Variants in PTPRM observed in about 807,000 individuals in gnomAD.
The protein encoded by PTPRM is protein tyrosine phosphatase receptor type M.
Under a neutral mutation model 186.7 loss-of-function variants are expected in PTPRM, and 47 were observed. The ratio of observed to expected loss-of-function variants is 0.25; its 90% confidence interval spans 0.20 to 0.32. The LOEUF (loss-of-function observed/expected upper bound fraction) is 0.32, where lower values mean the gene tolerates loss of function less well. PTPRM is among the 10% of genes least tolerant of loss of function. PTPRM has a pLI of 1.00. For missense variants in PTPRM, 1,494 were observed against 1,865.0 expected (o/e 0.80, Z 3.66); for synonymous variants, 668 against 674.9 (o/e 0.99, Z 0.16).
chr18:7,832,031 T>G (rs1046683100), intron 2 of PTPRM, among the ~76,000 whole-genome samples: 40 of 152,222 alleles, frequency 2.6e-4, no homozygotes, highest in African/African-American at 8.9e-4. Flanking sequence ...CTTCTGTTGA[T>G]GGACACTTAT....
chr18:7,653,317 T>C (rs1220599279), intron 1 of PTPRM, among the ~76,000 whole-genome samples: 1 of 152,158 alleles, frequency 6.6e-6, no homozygotes, highest in African/African-American at 2.4e-5. Context: ...TGGCTAATTT[T>C]GTTTTAAAAT....
At chr18:8,129,588 C>T (rs1024923604) in intron 13 of PTPRM, among the ~76,000 whole-genome samples, 13 of 152,282 alleles carry the variant, frequency 8.5e-5, no homozygotes, top group Non-Finnish European at 1.5e-4. Flanking sequence ...GTGTGATTAA[C>T]GTTGTGGTTG....
intron 3 of PTPRM, among the ~76,000 whole-genome samples, chr18:7,891,396 C>A (rs1046738115): frequency 6.6e-6 from 1 of 151,324 alleles, no homozygotes; most frequent in Non-Finnish European, 1.5e-5. Flanking sequence ...TTTTCCCCAA[C>A]GTACATGTAC....
intron 1 of PTPRM, among the ~76,000 whole-genome samples, chr18:7,676,503 G>A (rs1435673005): frequency 6.6e-6 from 1 of 152,070 alleles, no homozygotes; most frequent in East Asian, 1.9e-4. Flanking sequence ...GATGTTTTTA[G>A]CTCAGCTGTC....
chr18:7,772,353 T>C (rs867089104), intron 1 of PTPRM, among the ~76,000 whole-genome samples: 6 of 17,008 alleles, frequency 3.5e-4, no homozygotes, highest in Admixed American at 8.0e-4. Context: ...TTCTTTCTCT[T>C]TCTTTCTTTC....
chr18:7,689,336 G>A (rs958116527), intron 1 of PTPRM, among the ~76,000 whole-genome samples: 1 of 152,206 alleles, frequency 6.6e-6, no homozygotes, highest in Non-Finnish European at 1.5e-5. Context: ...TGGGCTCAAA[G>A]GGCTGGAAAG....
intron 2 of PTPRM, among the ~76,000 whole-genome samples, chr18:7,847,752 T>C (rs2046668310): frequency 2.6e-5 from 4 of 152,160 alleles, no homozygotes; most frequent in African/African-American, 9.7e-5. Context: ...ACACATCTTA[T>C]AGAGAGGGTC....
At chr18:7,999,365 T>C (rs761633158) in intron 7 of PTPRM, among the ~76,000 whole-genome samples, 6 of 152,140 alleles carry the variant, frequency 3.9e-5, no homozygotes, top group Admixed American at 1.3e-4. Flanking sequence ...GACAGTGTTA[T>C]TGAGAACCTG....
At chr18:8,392,707 AC>A (rs1473292322) in intron 31 of PTPRM, among the ~76,000 whole-genome samples, 2 of 152,078 alleles carry the variant, frequency 1.3e-5, no homozygotes, top group African/African-American at 4.8e-5. Context: ...ATGAGCCTGG[AC>A]CATTATGTGG....
chr18:8,054,312 T>G (rs1050515776), intron 7 of PTPRM, among the ~76,000 whole-genome samples: 2 of 141,376 alleles, frequency 1.4e-5, no homozygotes, highest in Non-Finnish European at 1.5e-5. Context: ...TATATATATA[T>G]ATATATATAT....
intron 32 of PTPRM, among the ~76,000 whole-genome samples, chr18:8,396,052 G>A (rs910620274): frequency 6.6e-6 from 1 of 152,204 alleles, no homozygotes; most frequent in Non-Finnish European, 1.5e-5. Context: ...TGCCCTGGAT[G>A]TAGTAACGGA....
chr18:8,026,446 G>T (rs1309864340), intron 7 of PTPRM, among the ~76,000 whole-genome samples: 1 of 152,204 alleles, frequency 6.6e-6, no homozygotes, highest in Non-Finnish European at 1.5e-5. Context: ...TCACAGTATT[G>T]AGAGTCTCAA....
chr18:7,587,414 A>G (rs1458793183), intron 1 of PTPRM, among the ~76,000 whole-genome samples: 1 of 151,886 alleles, frequency 6.6e-6, no homozygotes, highest in Non-Finnish European at 1.5e-5. Flanking sequence ...GATTCACATC[A>G]TTATCTAGTA....
At chr18:8,388,880 G>A (rs1045271971) in intron 31 of PTPRM, among the ~76,000 whole-genome samples, 2 of 152,144 alleles carry the variant, frequency 1.3e-5, no homozygotes, top group African/African-American at 4.8e-5. Context: ...AGAATGGCGT[G>A]AACCCGGGAG....
intron 1 of PTPRM, among the ~76,000 whole-genome samples, chr18:7,638,338 C>T (rs990520145): frequency 6.6e-6 from 1 of 152,136 alleles, no homozygotes; most frequent in East Asian, 1.9e-4. Flanking sequence ...TAAATTTATG[C>T]TTCCTAATAA....
chr18:7,938,929 G>A (rs2051996077), intron 5 of PTPRM, among the ~76,000 whole-genome samples: 3 of 152,232 alleles, frequency 2.0e-5, no homozygotes, highest in African/African-American at 4.8e-5. Context: ...TTTAGTTTTA[G>A]TACAGTACTC....
chr18:7,727,317 A>G (rs755398277), intron 1 of PTPRM, among the ~76,000 whole-genome samples: 84 of 152,230 alleles, frequency 5.5e-4, no homozygotes, highest in South Asian at 1.5e-3. Flanking sequence ...GTACACATGC[A>G]TTATATTTTC....
At chr18:8,016,331 C>A (rs2084856114) in intron 7 of PTPRM, among the ~76,000 whole-genome samples, 1 of 151,948 alleles carries the variant, frequency 6.6e-6, no homozygotes, top group Admixed American at 6.6e-5. Flanking sequence ...ACCAGCCTGG[C>A]CAACATGGTG....
intron 1 of PTPRM, among the ~76,000 whole-genome samples, chr18:7,664,505 C>G (rs1192720039): frequency 6.6e-6 from 1 of 152,190 alleles, no homozygotes; most frequent in Admixed American, 6.5e-5. Context: ...TGACTGTCTC[C>G]CAAGGCCAGT....
Sources: gnomAD v4.1 joint callset for allele counts (sites outside exome capture counted in the v4.1 genomes callset) on GRCh38, gnomAD v4.1.1 for gene constraint, MANE v1.5 for transcripts, NCBI Gene and HGNC (gene_info 2026-07-23, HGNC 2026-07-21) for gene names.